ATP8A2: variants seen among roughly 807,000 people sequenced by gnomAD.
ATP8A2 encodes the protein phospholipid-transporting ATPase IB.
ATP8A2 carries 100 observed loss-of-function variants against 165.6 expected under a neutral mutation model. The ratio of observed to expected loss-of-function variants is 0.60; its 90% CI spans 0.51 to 0.71. The LOEUF is 0.71. Ranked by LOEUF, ATP8A2 falls within the 30% of genes least tolerant of loss-of-function variation. ATP8A2 has a pLI of 0.00. For missense variants in ATP8A2, 1,227 were observed against 1,479.5 expected, an observed-to-expected ratio of 0.83 and a Z score of 2.80; for synonymous variants, 543 against 548.8, an observed-to-expected ratio of 0.99 and a Z score of 0.15.
At chr13:25,514,123 C>A (rs76920166) in intron 2 of ATP8A2, among the ~76,000 whole-genome samples, 3 of 152,020 alleles carry the variant, frequency 2.0e-5, no homozygotes, top group African/African-American at 7.2e-5. Flanking sequence ...GGAAAATTTG[C>A]TTAGCTTTAT....
intron 30 of ATP8A2, among the ~76,000 whole-genome samples, chr13:25,843,388 C>G (rs1356919648): frequency 1.3e-5 from 2 of 152,150 alleles, no homozygotes; most frequent in Non-Finnish European, 2.9e-5. Context: ...TCATGCCCCC[C>G]CCGCCCAATT....
chr13:25,590,081 G>T (rs2040029246), intron 24 of ATP8A2, among the ~76,000 whole-genome samples: 1 of 152,128 alleles, frequency 6.6e-6, no homozygotes. Flanking sequence ...TTTCTTTCTA[G>T]CACAAACTTT....
intron 33 of ATP8A2, among the ~76,000 whole-genome samples, chr13:25,906,485 C>A (rs747671747): frequency 1.3e-5 from 2 of 152,074 alleles, no homozygotes; most frequent in African/African-American, 2.4e-5. Context: ...CCCAGCACCC[C>A]GAGGCCTGAG....
intron 10 of ATP8A2, among the ~76,000 whole-genome samples, chr13:25,547,053 C>T (rs958499413): frequency 2.6e-5 from 4 of 152,104 alleles, no homozygotes; most frequent in Non-Finnish European, 5.9e-5. Context: ...TTGCCTGAAC[C>T]CAGGAGGCAG....
At chr13:25,753,127 G>A (rs2044188937) in intron 25 of ATP8A2, among the ~76,000 whole-genome samples, 1 of 152,182 alleles carries the variant, frequency 6.6e-6, no homozygotes, top group Non-Finnish European at 1.5e-5. Flanking sequence ...GCAGAGTGGA[G>A]GAGTGGGCAT....
intron 4 of ATP8A2, among the ~76,000 whole-genome samples, 162 bp from the exon 5 acceptor site, chr13:25,532,110 G>A (rs2038132685): frequency 6.6e-6 from 1 of 152,188 alleles, no homozygotes; most frequent in East Asian, 1.9e-4. Context: ...AACTTAGGGA[G>A]TGCTGATAGA....
chr13:25,833,564 A>G (rs61949365), intron 28 of ATP8A2, among the ~76,000 whole-genome samples: 18,273 of 152,176 alleles, frequency 0.12, 1,421 homozygotes, highest in Non-Finnish European at 0.18. Context: ...ATACATGAAA[A>G]TTTGATTAGC....
In ATP8A2 at chr13:25,647,671, CTTTTTTCT is replaced by C. The variant is rs576291693; in HGVS notation, c.2212-51487_2212-51480del. Reference sequence around the variant, plus strand: ...TAAGAAAAGTTTTCAGCCATTCTTTCTTTTTTCTTTTTTTCTTTTTTTTTTCTTTTTTA... The same window carrying C: ...TAAGAAAAGTTTTCAGCCATTCTTTCTTTTTTCTTTTTTTTTTCTTTTTTA... On this transcript the variant is annotated intron_variant, in intron 24 of 36. Transcript: ENST00000381655. Among the ~76,000 whole-genome samples the C allele has an allele frequency of 4.6e-3, 698 of 151,264 alleles. 4 individuals carry two copies. The highest frequency in any genetic ancestry group is 0.016 in the African/African-American group (642 of 41,246).
At chr13:25,491,880 T>C (rs959394832) in intron 2 of ATP8A2, among the ~76,000 whole-genome samples, 1 of 152,268 alleles carries the variant, frequency 6.6e-6, no homozygotes, top group Non-Finnish European at 1.5e-5. Context: ...TAAATTTCAC[T>C]TATTAGTTAC....
At chr13:25,391,795 A>G (rs966138361) in intron 1 of ATP8A2, among the ~76,000 whole-genome samples, 2 of 152,234 alleles carry the variant, frequency 1.3e-5, no homozygotes, top group Non-Finnish European at 2.9e-5. Context: ...GGAAGGCCAC[A>G]GTGGGGACTC....
chr13:25,463,987 T>C (rs2035569431), intron 1 of ATP8A2, among the ~76,000 whole-genome samples: 1 of 152,172 alleles, frequency 6.6e-6, no homozygotes, highest in South Asian at 2.1e-4. Context: ...AACATTCTGT[T>C]CTTTCTCCAA....
intron 33 of ATP8A2, among the ~76,000 whole-genome samples, chr13:25,897,415 T>G (rs1269771399): frequency 6.6e-6 from 1 of 152,238 alleles, no homozygotes; most frequent in African/African-American, 2.4e-5. Context: ...GTTAGTCTGA[T>G]GGGCTTCCCT....
chr13:25,426,236 G>C (rs920209494), intron 1 of ATP8A2, among the ~76,000 whole-genome samples: 1 of 152,198 alleles, frequency 6.6e-6, no homozygotes, highest in Non-Finnish European at 1.5e-5. Flanking sequence ...TCTGCTTCTG[G>C]TGAGGCCTCA....
chr13:25,640,642 C>A (rs527894683), intron 24 of ATP8A2, among the ~76,000 whole-genome samples: 2 of 152,284 alleles, frequency 1.3e-5, no homozygotes, highest in South Asian at 2.1e-4. Context: ...AGTCCAGGAG[C>A]AGATGGATTC....
intron 33 of ATP8A2, among the ~76,000 whole-genome samples, chr13:25,884,165 G>T (rs925085918): frequency 1.3e-5 from 2 of 152,144 alleles, no homozygotes; most frequent in African/African-American, 4.8e-5. Flanking sequence ...CCTGCCTCCT[G>T]AACCTCCACC....
At chr13:25,669,096 T>A (rs1318592611) in intron 24 of ATP8A2, among the ~76,000 whole-genome samples, 1 of 151,948 alleles carries the variant, frequency 6.6e-6, no homozygotes, top group Non-Finnish European at 1.5e-5. Context: ...CTTTTTTGTT[T>A]TTTGGTATGC....
At chr13:25,705,829 C>A (rs914647767) in intron 25 of ATP8A2, among the ~76,000 whole-genome samples, 1 of 152,170 alleles carries the variant, frequency 6.6e-6, no homozygotes, top group South Asian at 2.1e-4. Context: ...AGGGTTACAC[C>A]TTTTACAATA....
intron 10 of ATP8A2, among the ~76,000 whole-genome samples, chr13:25,548,607 C>G (rs1426955759): frequency 6.6e-6 from 1 of 152,250 alleles, no homozygotes; most frequent in East Asian, 1.9e-4. Context: ...GAGGCCAGAC[C>G]TGGATGTGTC....
intron 15 of ATP8A2, among the ~76,000 whole-genome samples, chr13:25,562,842 G>C (rs577704287): frequency 2.0e-5 from 3 of 152,036 alleles, no homozygotes; most frequent in African/African-American, 7.2e-5. Flanking sequence ...TTGTCTGGCC[G>C]CATGGGATGT....
Sources: allele counts gnomAD v4.1 joint callset (sites outside exome capture counted in the v4.1 genomes callset), GRCh38; gene constraint gnomAD v4.1.1; transcripts MANE v1.5; gene names NCBI Gene and HGNC (gene_info 2026-07-23, HGNC 2026-07-21).